The following RBFOX2 variants were observed in gnomAD, a reference collection of about 807,000 sequenced individuals.
The protein encoded by RBFOX2 is RNA binding fox-1 homolog 2, also known as RNA binding protein fox-1 homolog 2.
In RBFOX2, 10 loss-of-function variants were observed where a neutral mutation model predicts 49.1. The ratio of observed to expected loss-of-function variants is 0.20; its 90% CI spans 0.13 to 0.35. The LOEUF (loss-of-function observed/expected upper bound fraction) is 0.35. RBFOX2 is among the 10% of genes least tolerant of loss of function. The pLI is 1.00. For missense variants in RBFOX2, 323 were observed against 486.9 expected, an observed-to-expected ratio of 0.66 and a Z score of 3.17; for synonymous variants, 183 against 187.4, an observed-to-expected ratio of 0.98 and a Z score of 0.19.
intron 1 of RBFOX2, among the ~76,000 whole-genome samples, chr22:35,955,420 A>C (rs1375428763): frequency 6.6e-6 from 1 of 152,168 alleles, no homozygotes; most frequent in East Asian, 1.9e-4. Context: ...TTGTAAACTA[A>C]ACCAGTGAGA....
rs148686911 is a variant in RBFOX2 at position 35,852,541 on chromosome 22, C to T, written c.-33-42537G>A. ...GCAATAAAACCTTATGCTAAATTTC[C>T]TCTTCTAATCAAATCAAATAATTAT... On this transcript the variant is annotated intron_variant, in intron 1 of 13. Coordinates refer to the RBFOX2 transcript ENST00000359369. Among the ~76,000 whole-genome samples, 507 of 151,680 alleles carry T rather than the reference C, an allele frequency of 3.3e-3. 4 individuals are homozygous for T. Among genetic ancestry groups the T allele is most frequent in the Middle Eastern group, 0.017 (5 of 292 alleles).
chr22:35,822,679 T>C, intron 1 of RBFOX2: 1 of 364,668 alleles, frequency 2.7e-6, no homozygotes, highest in South Asian at 2.2e-5. Flanking sequence ...AAGTGCAGAA[T>C]GCCCTCCCTC....
rs1344283896 is a variant in RBFOX2, at chr22:35,935,900, G to C, written c.-34+2947C>G. Among the ~76,000 whole-genome samples, 6 of 152,236 alleles carry C rather than the reference G, an allele frequency of 3.9e-5. No homozygotes were observed. In the East Asian group the frequency reaches 5.8e-4, roughly 15 times the overall value. ...AATATTTGCCTCATCTACTTCAAAA[G>C]GGGTGTTTGGGAGAATAAGATGAGA... On this transcript the variant is annotated intron_variant, in intron 1 of 13. Transcript: ENST00000359369.
At chr22:35,789,184 T>G (rs944223437) in intron 2 of RBFOX2, among the ~76,000 whole-genome samples, 2 of 150,886 alleles carry the variant, frequency 1.3e-5, no homozygotes, top group Non-Finnish European at 1.5e-5. Flanking sequence ...AGGATAGAAA[T>G]AGGTTGTGTT....
At chr22:35,861,628 G>A (rs73159801) in intron 1 of RBFOX2, among the ~76,000 whole-genome samples, 394 of 152,180 alleles carry the variant, frequency 2.6e-3, no homozygotes, top group Middle Eastern at 6.8e-3. Context: ...AAAAGACTTC[G>A]ACAATACCAA....
At chr22:35,913,834 T>G (rs1418441722) in intron 1 of RBFOX2, among the ~76,000 whole-genome samples, 1 of 151,950 alleles carries the variant, frequency 6.6e-6, no homozygotes, top group Non-Finnish European at 1.5e-5. Flanking sequence ...AGAAAATATC[T>G]GCCTGTCTAA....
intron 4 of RBFOX2, among the ~76,000 whole-genome samples, chr22:35,770,215 CA>C (rs953833662): frequency 6.6e-5 from 10 of 152,122 alleles, no homozygotes; most frequent in Non-Finnish European, 1.3e-4. Context: ...ATAGGAAAGT[CA>C]AACTTTTAAA....
chr22:35,817,925 A>C (rs1953514528), intron 1 of RBFOX2, among the ~76,000 whole-genome samples: 1 of 150,978 alleles, frequency 6.6e-6, no homozygotes, highest in African/African-American at 2.4e-5. Context: ...AGAATATTGT[A>C]AACTTGCCTC....
intron 2 of RBFOX2, among the ~76,000 whole-genome samples, chr22:35,798,078 C>T (rs1174267176): frequency 2.6e-5 from 4 of 152,282 alleles, no homozygotes; most frequent in African/African-American, 4.8e-5. Flanking sequence ...CGAGTTTAAG[C>T]GATTCTCCTG....
At chr22:35,838,014 T>C (rs971032449) in intron 1 of RBFOX2, among the ~76,000 whole-genome samples, 9 of 152,166 alleles carry the variant, frequency 5.9e-5, no homozygotes, top group Admixed American at 5.9e-4. Flanking sequence ...AAACTCATCA[T>C]AAAAATTTCC....
intron 1 of RBFOX2, among the ~76,000 whole-genome samples, chr22:36,001,661 T>C (rs2058430596): frequency 6.6e-6 from 1 of 151,898 alleles, no homozygotes; most frequent in South Asian, 2.1e-4. Context: ...ACTCAGGAGG[T>C]CCATGCAGGA....
At chr22:35,898,901 C>T (rs1190810022) in intron 1 of RBFOX2, among the ~76,000 whole-genome samples, 1 of 152,030 alleles carries the variant, frequency 6.6e-6, no homozygotes, top group African/African-American at 2.4e-5. Context: ...CCGAGGCGGG[C>T]AGATCACCTG....
At chr22:35,771,130 T>C (rs1223599022) in intron 4 of RBFOX2, among the ~76,000 whole-genome samples, 1 of 152,122 alleles carries the variant, frequency 6.6e-6, no homozygotes, top group East Asian at 1.9e-4. Flanking sequence ...CCAGAGCCAG[T>C]GAATATGTTA....
intron 1 of RBFOX2, among the ~76,000 whole-genome samples, chr22:35,812,567 CAGACA>C (rs1952115768): frequency 1.3e-5 from 2 of 152,094 alleles, no homozygotes; most frequent in African/African-American, 2.4e-5. Context: ...GGCCTGAAGA[CAGACA>C]TGAAAAAGAA....
chr22:35,740,468 C>G (rs1389250604), exon 12 of RBFOX2: 1 of 151,792 alleles, frequency 6.6e-6, no homozygotes, highest in Admixed American at 6.6e-5. Context: ...ATTTTTTTTT[C>G]CTATCTTAAA....
intron 1 of RBFOX2, among the ~76,000 whole-genome samples, chr22:35,826,290 C>T (rs1050617729): frequency 7.1e-6 from 1 of 141,594 alleles, no homozygotes; most frequent in African/African-American, 2.6e-5. Flanking sequence ...TGCAGTGAGC[C>T]GAGATCGCGC....
At chr22:35,990,845 C>G (rs913007582) in intron 1 of RBFOX2, among the ~76,000 whole-genome samples, 1 of 152,122 alleles carries the variant, frequency 6.6e-6, no homozygotes, top group East Asian at 1.9e-4. Flanking sequence ...CCAGATTACA[C>G]GAGCTTTTAA....
At chr22:35,829,233 T>C (rs1025923110) in intron 1 of RBFOX2, among the ~76,000 whole-genome samples, 2 of 152,036 alleles carry the variant, frequency 1.3e-5, no homozygotes, top group Admixed American at 6.6e-5. Context: ...TTACCAGGCA[T>C]GCAAAGAAGC....
At chr22:35,956,476 C>T (rs1340706868) in intron 1 of RBFOX2, among the ~76,000 whole-genome samples, 1 of 152,046 alleles carries the variant, frequency 6.6e-6, no homozygotes, top group Non-Finnish European at 1.5e-5. Context: ...ATTTTCCCAC[C>T]TCAGCCTCCC....
Sources: gnomAD v4.1 joint callset for allele counts (sites outside exome capture counted in the v4.1 genomes callset) on GRCh38, gnomAD v4.1.1 for gene constraint, MANE v1.5 for transcripts, NCBI Gene and HGNC (gene_info 2026-07-23, HGNC 2026-07-21) for gene names.